Variants in NPPC observed in about 807,000 individuals in gnomAD.
NPPC encodes natriuretic peptide C.
In NPPC, 4 loss-of-function variants were observed where a neutral mutation model predicts 10.2. The observed-to-expected ratio is 0.39, with a 90% CI of 0.19 to 0.90. The LOEUF is 0.90. Among genes scored for constraint, NPPC ranks in the 40% least tolerant of loss-of-function variants. The probability of loss-of-function intolerance (pLI) is 0.37; values close to 1 mark genes in which losing one functional copy is unlikely to be tolerated. For synonymous variants in NPPC, 83 were observed against 87.3 expected, an observed-to-expected ratio of 0.95 and a Z score of 0.27; for missense variants, 182 against 173.8, an observed-to-expected ratio of 1.05 and a Z score of -0.26.
intron 2 of NPPC, among the ~76,000 whole-genome samples, chr2:231,925,083 C>T (rs909431793): frequency 3.9e-5 from 6 of 152,160 alleles, no homozygotes; most frequent in African/African-American, 1.4e-4. Context: ...CCTCTCAATC[C>T]CCCCACCAGC....
In NPPC at chr2:231,926,362, TC is replaced by T; in HGVS notation, c.-114del. ...TGGCTGGGCTGCAGGGCGAGCAGGG[TC>T]CCAGTGCTGCGCGGCGCCGGCTGGG... On this transcript the variant is annotated 5_prime_UTR_variant, in exon 1 of 3. Coordinates refer to ENST00000409852, the MANE Select transcript of NPPC (RefSeq NM_024409.4). 3.2e-6 allele frequency: 2 copies of T among 618,060 alleles called. No individual in the cohort carries two copies. The highest frequency in any genetic ancestry group is 4.7e-6 in the Non-Finnish European group (2 of 427,446). The allele number at this position is 618,060 out of a possible 1,614,324, so 38.3% of individuals were successfully genotyped here.
At chr2:231,922,417 A>G (rs1691941034) in intron 2 of NPPC, 102 bp from the exon 3 acceptor site, 4 of 152,104 alleles carry the variant, frequency 2.6e-5, no homozygotes. Context: ...TTCTCCCAGC[A>G]GCTTGAGGGA....
At position 231,921,915 on chromosome 2, in the gene NPPC, A is replaced by C. The variant is rs1042836063; in HGVS notation, c.*421T>G. On this transcript the variant is annotated 3_prime_UTR_variant, in exon 3 of 3. Coordinates refer to ENST00000409852, the MANE Select transcript of NPPC (RefSeq NM_024409.4). ...TTCTTTCATTTAGTTACATAAATAA[A>C]ATTTTTATAAATATCTCTTTATAAA... The C allele has an allele frequency of 2.3e-4, 35 of 151,898 alleles. No homozygotes were observed. The highest frequency in any genetic ancestry group is 2.0e-4 in the Admixed American group (3 of 15,262). 9.4% of individuals were successfully genotyped at this position (151,898 alleles called of 1,614,324 possible).
rs1394144803 is a variant in NPPC, at chr2:231,921,859, TAG to T, written c.*475_*476del. The T allele has an allele frequency of 1.3e-5, 2 of 151,972 alleles. No individual in the cohort carries two copies. Among genetic ancestry groups the T allele is most frequent in the African/African-American group, 2.4e-5 (1 of 41,380 alleles). 9.4% of individuals were successfully genotyped at this position (151,972 alleles called of 1,614,324 possible). On this transcript the variant is annotated 3_prime_UTR_variant, in exon 3 of 3. Transcript: ENST00000409852. ...TTTTTTTTTTTACATTTTTTTTAAC[TAG>T]TTAGGACAAAAACATTACAATGATT...
At chr2:231,925,844 C>T (rs535749573) in intron 1 of NPPC, 129 bp from the exon 2 acceptor site, 1 of 1,160,572 alleles carries the variant, frequency 8.6e-7, no homozygotes, top group South Asian at 1.8e-5. Context: ...CCACCGATGC[C>T]GGCCAGCTTG....
Position 231,926,326 on chromosome 2 carries a change from G to T in NPPC, c.-77C>A. On this transcript the variant is annotated 5_prime_UTR_variant, in exon 1 of 3. Coordinates refer to ENST00000409852, the MANE Select transcript of NPPC (RefSeq NM_024409.4). ...TCGGCGGGCAGACCAGCAGGGGGAT[G>T]CGGAGCAGGCTGGCTGGGCTGCAGG... 1.0e-6 allele frequency: 1 copy of T among 985,424 alleles called. No homozygotes were observed. The highest frequency in any genetic ancestry group is 1.3e-6 in the Non-Finnish European group (1 of 756,198). The allele number at this position is 985,424 out of a possible 1,614,324, so 61.0% of individuals were successfully genotyped here.
In NPPC at chr2:231,923,880, C is replaced by T. The variant is rs547617966; in HGVS notation, c.*20+1525G>A. 4.6e-5 allele frequency among the ~76,000 whole-genome samples: 7 copies of T among 152,368 alleles called. No homozygotes were observed. In the South Asian group the frequency reaches 1.0e-3, roughly 23 times the overall value. On this transcript the variant is annotated intron_variant, in intron 2 of 2. Transcript: ENST00000409852. ...ATTTGCTCAGGTTCTAAAGTTTGAA[C>T]TTGATGCTTAAATCAAACTGAAAAT...
rs1691995558 is a variant in NPPC at position 231,925,650 on chromosome 2, C to G, written c.156G>C (p.Lys52Asn). ...CCCCGCCCCCGGGAGCCTTGTCGCC[C>G]TTCTTCTGACCGCCGCCCGCAGCCT... ...EPQAAGGGQK[K>N]GDKAPGGGGA... Residue 52 changes from lysine to asparagine, a missense_variant, in exon 2 of 3, where the codon AAG (lysine) becomes AAC (asparagine). Coordinates refer to ENST00000409852, the MANE Select transcript of NPPC (RefSeq NM_024409.4). 1 of 1,603,928 alleles carries G rather than the reference C, an allele frequency of 6.2e-7. No homozygotes were observed.
chr2:231,924,455 C>T (rs1691971535), intron 2 of NPPC, among the ~76,000 whole-genome samples: 2 of 152,218 alleles, frequency 1.3e-5, no homozygotes, highest in Admixed American at 6.5e-5. Context: ...CAGGCAGTGG[C>T]AGCTGCTGAG....
rs1692008862 is a variant in NPPC, at chr2:231,926,321, G to C, written c.-72C>G. ...GCAGGTCGGCGGGCAGACCAGCAGG[G>C]GGATGCGGAGCAGGCTGGCTGGGCT... On this transcript the variant is annotated 5_prime_UTR_variant, in exon 1 of 3. Transcript: ENST00000409852. The C allele has an allele frequency of 9.7e-7, 1 of 1,029,156 alleles. No homozygotes were observed. Among genetic ancestry groups the C allele is most frequent in the East Asian group, 3.2e-5 (1 of 30,856 alleles). 63.8% of individuals were successfully genotyped at this position (1,029,156 alleles called of 1,614,324 possible). A position where few individuals can be genotyped will look rare whatever the true frequency, so the allele number is the denominator to read the frequency against.
Position 231,925,866 on chromosome 2 carries a change from A to G in NPPC, c.91-151T>C, listed in dbSNP as rs1692000250. On this transcript the variant is annotated intron_variant, in intron 1 of 2. Transcript: ENST00000409852. ...TGCCGGCCAGCTTGGCCCCGCATCC[A>G]CCTGCCACGCGGCCGCCTTCGCCGC... The G allele has an allele frequency of 1.1e-5, 11 of 1,006,458 alleles. No individual in the cohort carries two copies. The South Asian group carries it at 2.1e-4, about 19-fold the overall frequency. The allele number at this position is 1,006,458 out of a possible 1,614,324, so 62.3% of individuals were successfully genotyped here.
chr2:231,925,321 C>G, intron 2 of NPPC, 84 bp downstream of exon 2: 1 of 1,192,474 alleles, frequency 8.4e-7, no homozygotes, highest in Non-Finnish European at 1.1e-6. Flanking sequence ...TGAGCAAAGG[C>G]GGCTCGCGCG....
chr2:231,925,384 C>T (rs748061179), intron 2 of NPPC, 21 bp downstream of exon 2: 4 of 1,525,050 alleles, frequency 2.6e-6, no homozygotes, highest in Non-Finnish European at 2.6e-6. Context: ...TGGGGCTGGG[C>T]GTCGGGTGGG....
intron 2 of NPPC, among the ~76,000 whole-genome samples, chr2:231,923,175 A>G (rs1574749666): frequency 6.6e-6 from 1 of 151,806 alleles, no homozygotes; most frequent in East Asian, 1.9e-4. Flanking sequence ...GGCTTGATGA[A>G]CCCTCCCCCA....
chr2:231,925,346 CT>C (rs1691988007), intron 2 of NPPC, 58 bp downstream of exon 2: 1 of 1,370,040 alleles, frequency 7.3e-7, no homozygotes, highest in African/African-American at 1.5e-5. Context: ...CGAAGGCCGG[CT>C]GGGCGGCGGG....
At chr2:231,924,412 C>T (rs1004996142) in intron 2 of NPPC, among the ~76,000 whole-genome samples, 2 of 152,238 alleles carry the variant, frequency 1.3e-5, no homozygotes, top group Non-Finnish European at 2.9e-5. Flanking sequence ...GCAGCTTGCC[C>T]GTAGCCTGGG....
rs779147888 is a variant in NPPC, at chr2:231,925,691, C to T, written c.115G>A (p.Glu39Lys). Residue 39 changes from glutamate to lysine, a missense_variant, in exon 2 of 3, where the codon GAG becomes AAG. Physicochemically the swap from Glu to Lys is moderately conservative, Grantham distance 56. Coordinates refer to ENST00000409852, the MANE Select transcript of NPPC (RefSeq NM_024409.4). ...PKVPRTPPAE[E>K]LAEPQAAGGG... The stretch of plus-strand genomic sequence containing the variant: ...CCCGCAGCCTGCGGCTCGGCCAGCT[C>T]CTCTGCCGGCGGGGTTCGCGGGACC... The T allele has an allele frequency of 1.3e-6, 2 of 1,585,898 alleles. No individual in the cohort carries two copies. The highest frequency in any genetic ancestry group is 2.3e-5 in the South Asian group (2 of 88,068).
In NPPC at chr2:231,925,562, G is replaced by A. The variant is rs1691992472; in HGVS notation, c.244C>T (p.Arg82Trp). ...TGCAGAAGGCGAGCCCACGCTGCCCGCGACTTGGTGTCCACGCGCAGGTCC... is the reference window on the plus strand; with the variant it reads ...TGCAGAAGGCGAGCCCACGCTGCCCACGACTTGGTGTCCACGCGCAGGTCC... ...LRDLRVDTKS[R>W]AAWARLLQEH... is the part of the protein sequence containing the mutation. The change falls in exon 2 of 3, where the codon CGG becomes TGG. Residue 82 changes from arginine to tryptophan, a missense_variant. Transcript: ENST00000409852. 1 of 1,612,436 alleles carries A rather than the reference G, an allele frequency of 6.2e-7. No homozygotes were observed. The highest frequency in any genetic ancestry group is 8.5e-7 in the Non-Finnish European group (1 of 1,179,612).
chr2:231,925,132 TCAGGGGTGGGTGAGACAC>T (rs1392052806), intron 2 of NPPC, among the ~76,000 whole-genome samples: 2 of 152,208 alleles, frequency 1.3e-5, no homozygotes, highest in Non-Finnish European at 2.9e-5. Flanking sequence ...CAGCTACGGT[TCAGGGGTGGGTGAGACAC>T]CACCAAGCCT....
Sources: allele counts gnomAD v4.1 joint callset (sites outside exome capture counted in the v4.1 genomes callset), GRCh38; gene constraint gnomAD v4.1.1; transcripts MANE v1.5; gene names NCBI Gene and HGNC (gene_info 2026-07-23, HGNC 2026-07-21).